Variants in LRP1B observed in about 807,000 individuals in gnomAD.
The protein encoded by LRP1B is low-density lipoprotein receptor-related protein 1B.
Under a neutral mutation model 556.6 loss-of-function variants are expected in LRP1B, and 217 were observed. That is an observed-to-expected ratio of 0.39 (90% confidence interval 0.35 to 0.44). The LOEUF is 0.44. Ranked by LOEUF, LRP1B falls within the 20% of genes least tolerant of loss-of-function variation. The probability of loss-of-function intolerance (pLI) is 1.00; values close to 1 mark genes in which losing one functional copy is unlikely to be tolerated. For missense variants in LRP1B, 5,053 were observed against 5,620.8 expected (o/e 0.90, Z 3.23); for synonymous variants, 2,047 against 1,865.8 (o/e 1.10, Z -2.50).
intron 2 of LRP1B, among the ~76,000 whole-genome samples, chr2:141,702,992 A>G (rs1691995067): frequency 6.6e-6 from 1 of 151,962 alleles, no homozygotes; most frequent in South Asian, 2.1e-4. Context: ...GAACCTTGCC[A>G]TTCTGTGTAA....
intron 3 of LRP1B, among the ~76,000 whole-genome samples, chr2:141,468,379 T>A (rs886958691): frequency 6.6e-6 from 1 of 152,186 alleles, no homozygotes; most frequent in African/African-American, 2.4e-5. Context: ...GGATAAGTTA[T>A]TTTTAATTCT....
At chr2:141,228,585 G>T (rs554956539) in intron 6 of LRP1B, among the ~76,000 whole-genome samples, 1 of 116,316 alleles carries the variant, frequency 8.6e-6, no homozygotes, top group African/African-American at 3.5e-5. Flanking sequence ...GTGTATGAGT[G>T]TGTGTGTGTG....
At chr2:141,790,670 A>C (rs1695582579) in intron 2 of LRP1B, among the ~76,000 whole-genome samples, 1 of 151,974 alleles carries the variant, frequency 6.6e-6, no homozygotes, top group Non-Finnish European at 1.5e-5. Context: ...TGTAATAAAA[A>C]ATCTATCTTA....
rs1283187395 is a variant in LRP1B, at chr2:141,963,202, T to C, written c.83-152801A>G. Among the ~76,000 whole-genome samples, 3 of 151,884 alleles carry C rather than the reference T, an allele frequency of 2.0e-5. No homozygotes were observed. The East Asian group carries it at 5.8e-4, about 29-fold the overall frequency. Reference sequence around the variant, plus strand: ...TTTGAATAGAATACTTTTCCTCCTATTTGAACTCTACTTCTTACTATGGAT... The same window carrying C: ...TTTGAATAGAATACTTTTCCTCCTACTTGAACTCTACTTCTTACTATGGAT... On this transcript the variant is annotated intron_variant, in intron 1 of 90. Coordinates refer to ENST00000389484, the MANE Select transcript of LRP1B (RefSeq NM_018557.3).
intron 63 of LRP1B, among the ~76,000 whole-genome samples, chr2:140,447,610 G>A (rs1686717283): frequency 6.6e-6 from 1 of 152,048 alleles, no homozygotes. Context: ...TAGCAAGAAG[G>A]CATCTGTACT....
chr2:141,364,447 C>T (rs900696595), intron 3 of LRP1B, among the ~76,000 whole-genome samples: 1 of 151,918 alleles, frequency 6.6e-6, no homozygotes, highest in African/African-American at 2.4e-5. Flanking sequence ...TTTGTGAAAA[C>T]ATCTCATTGT....
At chr2:140,237,344 CCTT>C (rs768962389) in intron 89 of LRP1B, among the ~76,000 whole-genome samples, 9 of 150,818 alleles carry the variant, frequency 6.0e-5, no homozygotes, top group Non-Finnish European at 1.2e-4. Flanking sequence ...GACAGGATTT[CCTT>C]CTTTTTTATG....
intron 1 of LRP1B, among the ~76,000 whole-genome samples, chr2:142,089,077 C>T (rs1456281042): frequency 6.6e-6 from 1 of 151,490 alleles, no homozygotes; most frequent in Non-Finnish European, 1.5e-5. Flanking sequence ...ATGTTCCAGA[C>T]ACCCTTCTAG....
intron 35 of LRP1B, among the ~76,000 whole-genome samples, chr2:140,748,454 A>G (rs1688423874): frequency 2.0e-5 from 2 of 102,306 alleles, no homozygotes; most frequent in Non-Finnish European, 3.9e-5. Context: ...ATATATATAT[A>G]TACACACACA....
At chr2:141,840,895 A>G (rs1697446920) in intron 1 of LRP1B, among the ~76,000 whole-genome samples, 1 of 150,628 alleles carries the variant, frequency 6.6e-6, no homozygotes, top group Non-Finnish European at 1.5e-5. Flanking sequence ...ACCTAAATTC[A>G]TTATTTTAAA....
chr2:141,247,404 T>A (rs2105328122), intron 4 of LRP1B, 50 bp from the exon 5 acceptor site: 1 of 1,589,152 alleles, frequency 6.3e-7, no homozygotes, highest in Non-Finnish European at 8.6e-7. Flanking sequence ...CTTGGGCACT[T>A]TTTTTTCTCC....
chr2:141,773,833 T>A (rs1184759857), intron 2 of LRP1B, among the ~76,000 whole-genome samples: 1 of 152,210 alleles, frequency 6.6e-6, no homozygotes, highest in African/African-American at 2.4e-5. Context: ...GCGTGTGCAA[T>A]CAAGTAGAAA....
At chr2:141,212,445 ATT>A (rs77370519) in intron 6 of LRP1B, among the ~76,000 whole-genome samples, 8 of 141,714 alleles carry the variant, frequency 5.6e-5, no homozygotes, top group Non-Finnish European at 7.7e-5. Flanking sequence ...CGCCCGGATA[ATT>A]TTTTTTTTTT....
intron 2 of LRP1B, among the ~76,000 whole-genome samples, chr2:141,575,923 A>T (rs1410505407): frequency 6.6e-6 from 1 of 152,004 alleles, no homozygotes; most frequent in Non-Finnish European, 1.5e-5. Context: ...TCATAATGGC[A>T]ATTAGTCAGG....
At chr2:140,445,576 A>T (rs2105306635) in intron 63 of LRP1B, among the ~76,000 whole-genome samples, 1 of 151,338 alleles carries the variant, frequency 6.6e-6, no homozygotes, top group South Asian at 2.1e-4. Flanking sequence ...ATATTATAAC[A>T]AATGACTCCC....
At chr2:141,156,630 A>T (rs543038930) in intron 7 of LRP1B, among the ~76,000 whole-genome samples, 1 of 152,008 alleles carries the variant, frequency 6.6e-6, no homozygotes, top group African/African-American at 2.4e-5. Flanking sequence ...CAGAAAAAAA[A>T]AAAAAATCAA....
At chr2:140,804,713 G>A (rs767840897) in intron 32 of LRP1B, among the ~76,000 whole-genome samples, 1 of 123,304 alleles carries the variant, frequency 8.1e-6, no homozygotes, top group Admixed American at 1.0e-4. Context: ...TTCAGTTATC[G>A]GAGAGGTTAA....
chr2:142,048,585 T>G (rs1279146106), intron 1 of LRP1B, among the ~76,000 whole-genome samples: 2 of 152,112 alleles, frequency 1.3e-5, no homozygotes, highest in Admixed American at 6.6e-5. Flanking sequence ...AGATACAGAA[T>G]AGAAATTTGA....
intron 2 of LRP1B, among the ~76,000 whole-genome samples, chr2:141,551,045 T>C (rs1376928072): frequency 6.6e-6 from 1 of 152,080 alleles, no homozygotes; most frequent in Non-Finnish European, 1.5e-5. Flanking sequence ...TTACAAGATA[T>C]TTTTATATTA....
Sources: allele counts gnomAD v4.1 joint callset (sites outside exome capture counted in the v4.1 genomes callset), GRCh38; gene constraint gnomAD v4.1.1; transcripts MANE v1.5; gene names NCBI Gene and HGNC (gene_info 2026-07-23, HGNC 2026-07-21).